The following SYNPO2 variants were observed in gnomAD, a reference collection of about 807,000 sequenced individuals.
The protein encoded by SYNPO2 is synaptopodin-2.
SYNPO2 carries 56 observed loss-of-function variants against 85.0 expected under a neutral mutation model. The ratio of observed to expected loss-of-function variants is 0.66; its 90% CI spans 0.53 to 0.82. The LOEUF is 0.82. Ranked by LOEUF, SYNPO2 falls within the 40% of genes least tolerant of loss-of-function variation. SYNPO2 has a pLI of 0.00. For synonymous variants in SYNPO2, 602 were observed against 591.1 expected (o/e 1.02, Z -0.27); for missense variants, 1,575 against 1,534.2 (o/e 1.03, Z -0.44).
intron 1 of SYNPO2, among the ~76,000 whole-genome samples, chr4:118,934,105 G>C (rs1263302953): frequency 2.6e-5 from 4 of 151,944 alleles, no homozygotes; most frequent in African/African-American, 9.7e-5. Flanking sequence ...ACTGCAGTTG[G>C]TCTCTTTTCA....
At chr4:118,867,342 T>G (rs1179815731) in intron 1 of SYNPO2, among the ~76,000 whole-genome samples, 1 of 152,204 alleles carries the variant, frequency 6.6e-6, no homozygotes, top group East Asian at 1.9e-4. Flanking sequence ...CAATGAAAGA[T>G]CTTACTGTAT....
Position 118,889,061 on chromosome 4 carries a change from A to ACAGGGCAAAAGG in SYNPO2, c.25_26insCAGGGCAAAAGG (p.Ile9delinsThrGlyGlnLysVal). On this transcript the variant is annotated protein_altering_variant, in exon 1 of 5. Coordinates refer to ENST00000307142, the MANE Select transcript of SYNPO2 (RefSeq NM_133477.3). ...CATGGGCACAGGGGATTTTATCTGC[A>ACAGGGCAAAAGG]TTTCCATGACTGGAGGGGCGCCCTG... The ACAGGGCAAAAGG allele has an allele frequency of 1.2e-6, 2 of 1,614,144 alleles. No individual in the cohort carries two copies. Among genetic ancestry groups the ACAGGGCAAAAGG allele is most frequent in the Non-Finnish European group, 1.7e-6 (2 of 1,180,018 alleles).
chr4:119,027,885 T>C (rs1288553835), intron 3 of SYNPO2, among the ~76,000 whole-genome samples: 3 of 97,992 alleles, frequency 3.1e-5, no homozygotes, highest in African/African-American at 1.0e-4. Flanking sequence ...AGCAGATCCT[T>C]GTTTTGAAAA....
intron 2 of SYNPO2, among the ~76,000 whole-genome samples, chr4:119,024,938 C>T (rs1167603277): frequency 2.6e-5 from 4 of 152,186 alleles, no homozygotes; most frequent in Admixed American, 2.6e-4. Context: ...ACTCCTTTAA[C>T]ATTCCATCTC....
At position 119,027,043 on chromosome 4, in the gene SYNPO2, A is replaced by G. The variant is rs1032496334; in HGVS notation, c.674A>G (p.Lys225Arg). 2 of 1,614,122 alleles carry G rather than the reference A, an allele frequency of 1.2e-6. No individual in the cohort carries two copies. The highest frequency in any genetic ancestry group is 3.3e-5 in the Admixed American group (2 of 60,026). The part of the protein sequence containing the change: ...LVALPGAEKS[K>R]SPDPDPNLSH... ...GCTCTCCCGGGAGCTGAAAAATCTAAGTCTCCTGACCCAGACCCTAACTTG... is the reference window on the plus strand; with the variant it reads ...GCTCTCCCGGGAGCTGAAAAATCTAGGTCTCCTGACCCAGACCCTAACTTG... Residue 225 changes from lysine (K) to arginine (R), a missense_variant, in exon 3 of 5, where the codon AAG becomes AGG. Physicochemically the swap from Lys to Arg is conservative, Grantham distance 26 (BLOSUM62 2). This residue lies in a region of SYNPO2 where 1,508 missense variants were observed against 1,446.8 expected (regional missense o/e 1.04). Coordinates refer to ENST00000307142, the MANE Select transcript of SYNPO2 (RefSeq NM_133477.3).
At chr4:118,988,217 A>G (rs578230350) in intron 1 of SYNPO2, among the ~76,000 whole-genome samples, 1 of 152,280 alleles carries the variant, frequency 6.6e-6, no homozygotes, top group Non-Finnish European at 1.5e-5. Flanking sequence ...GTGAATGTAC[A>G]CCTGTGTAGC....
chr4:118,890,046 T>C (rs1443718760), intron 1 of SYNPO2, among the ~76,000 whole-genome samples: 1 of 152,208 alleles, frequency 6.6e-6, no homozygotes, highest in East Asian at 1.9e-4. Flanking sequence ...TTTATGCTTA[T>C]ATTAAAAATG....
intron 1 of SYNPO2, among the ~76,000 whole-genome samples, chr4:118,905,088 G>T (rs915320391): frequency 6.6e-6 from 1 of 152,156 alleles, no homozygotes; most frequent in Admixed American, 6.5e-5. Context: ...CATCCTACCC[G>T]CATGCTACAA....
chr4:118,939,363 G>C (rs1011843629), intron 1 of SYNPO2, among the ~76,000 whole-genome samples: 1 of 152,234 alleles, frequency 6.6e-6, no homozygotes. Context: ...GGACAGAGAA[G>C]TACTTGCGTG....
chr4:118,967,837 C>G (rs1466579614), intron 1 of SYNPO2, among the ~76,000 whole-genome samples: 2 of 143,856 alleles, frequency 1.4e-5, no homozygotes, highest in Non-Finnish European at 3.0e-5. Context: ...TTTAATTCTT[C>G]TTGATTTGAA....
chr4:118,891,920 AC>A (rs1345183662), intron 1 of SYNPO2, among the ~76,000 whole-genome samples: 3 of 152,226 alleles, frequency 2.0e-5, no homozygotes, highest in Admixed American at 2.0e-4. Flanking sequence ...AGTTCTGTAG[AC>A]AATAACACAT....
At chr4:119,026,575 C>T in intron 2 of SYNPO2, 52 bp from the exon 3 acceptor site, 1 of 1,505,166 alleles carries the variant, frequency 6.6e-7, no homozygotes, top group Non-Finnish European at 8.9e-7. Context: ...AGTTCTTTGG[C>T]AGATGTAACA....
intron 1 of SYNPO2, among the ~76,000 whole-genome samples, chr4:118,982,857 A>G (rs1736083340): frequency 6.6e-6 from 1 of 152,200 alleles, no homozygotes; most frequent in African/African-American, 2.4e-5. Context: ...CAGATTGTCC[A>G]AAGAGGTCAA....
At chr4:118,932,330 A>G (rs1320010119) in intron 1 of SYNPO2, among the ~76,000 whole-genome samples, 1 of 152,232 alleles carries the variant, frequency 6.6e-6, no homozygotes, top group Non-Finnish European at 1.5e-5. Context: ...ATACCAGGTT[A>G]GAAAAATAAG....
chr4:119,051,490 C>T (rs1045975773), intron 4 of SYNPO2, among the ~76,000 whole-genome samples: 1 of 151,816 alleles, frequency 6.6e-6, no homozygotes. Flanking sequence ...CGCGCCCGGC[C>T]GGGAAGCAAT....
chr4:118,893,251 G>T (rs1357328250), intron 1 of SYNPO2, among the ~76,000 whole-genome samples: 1 of 152,066 alleles, frequency 6.6e-6, no homozygotes, highest in Admixed American at 6.6e-5. Flanking sequence ...CCTTATTTTG[G>T]AATTGTATAT....
intron 4 of SYNPO2, among the ~76,000 whole-genome samples, chr4:119,046,750 G>A (rs9884245): frequency 0.68 from 104,213 of 152,178 alleles, 35,884 homozygotes; most frequent in East Asian, 0.85. Context: ...GTTGAATTGC[G>A]TGGATAACAA....
intron 1 of SYNPO2, among the ~76,000 whole-genome samples, chr4:118,938,048 A>T (rs1734170313): frequency 6.6e-6 from 1 of 152,164 alleles, no homozygotes; most frequent in Non-Finnish European, 1.5e-5. Context: ...CACACCTGTA[A>T]TCCTAGCACT....
At position 118,889,152 on chromosome 4, in the gene SYNPO2, A is replaced by G. The variant is rs1048975467; in HGVS notation, c.105+11A>G. On this transcript the variant is annotated intron_variant, in intron 1 of 4. Coordinates refer to ENST00000307142, the MANE Select transcript of SYNPO2 (RefSeq NM_133477.3). ...TTACAAGTTGCAAAGGTAGGACCTG[A>G]ACGAAGTGTCACGGCTCTGTGCTAG... 2.5e-6 allele frequency: 4 copies of G among 1,612,966 alleles called. No individual in the cohort carries two copies. In the Admixed American group the frequency reaches 6.7e-5, roughly 27 times the overall value.
Sources: gnomAD v4.1 joint callset for allele counts (sites outside exome capture counted in the v4.1 genomes callset) on GRCh38, gnomAD v4.1.1 for gene constraint, gnomAD v4.1.1 regional missense constraint, MANE v1.5 for transcripts, NCBI Gene and HGNC (gene_info 2026-07-23, HGNC 2026-07-21) for gene names.